NXPE2: variants seen among roughly 807,000 people sequenced by gnomAD.
NXPE2 encodes NXPE family member 2.
In NXPE2, 34 loss-of-function variants were observed where a neutral mutation model predicts 34.4. The observed-to-expected ratio is 0.99, with a 90% CI of 0.75 to 1.31. The LOEUF (loss-of-function observed/expected upper bound fraction) is 1.31. Among genes scored for constraint, NXPE2 ranks in the 40% most tolerant of loss-of-function variants. The pLI is 0.00. For synonymous variants in NXPE2, 235 were observed against 231.3 expected (o/e 1.02, Z -0.15); for missense variants, 649 against 672.5 (o/e 0.97, Z 0.39).
At chr11:114,801,688 G>A in the NXPE2 span, among the ~76,000 whole-genome samples, 2 of 149,946 alleles carry the variant, frequency 1.3e-5, no homozygotes, top group Admixed American at 1.3e-4. Flanking sequence ...AAAGGAGTAG[G>A]CAGATGGGAG....
chr11:114,608,377 A>G, the NXPE2 span, among the ~76,000 whole-genome samples: 65,077 of 151,628 alleles, frequency 0.43, 15,247 homozygotes, highest in African/African-American at 0.61. Flanking sequence ...CATGTGGATA[A>G]TAAGTGTTGC....
chr11:114,523,872 T>G, the NXPE2 span, among the ~76,000 whole-genome samples: 12 of 152,262 alleles, frequency 7.9e-5, no homozygotes, highest in Non-Finnish European at 1.3e-4. Context: ...TCTATACTGA[T>G]ACTACGTTCT....
chr11:114,734,846 C>T, the NXPE2 span, among the ~76,000 whole-genome samples: 3 of 152,092 alleles, frequency 2.0e-5, no homozygotes, highest in Admixed American at 6.6e-5. Context: ...CAGTGGCTCA[C>T]GCCTGTAATC....
chr11:114,506,372 T>C, the NXPE2 span, among the ~76,000 whole-genome samples: 1 of 152,108 alleles, frequency 6.6e-6, no homozygotes. Context: ...CAGCACTGGA[T>C]CAAATAGACC....
chr11:114,469,882 C>T, the NXPE2 span, among the ~76,000 whole-genome samples: 1 of 151,754 alleles, frequency 6.6e-6, no homozygotes, highest in African/African-American at 2.4e-5. Flanking sequence ...AACCAGTAAT[C>T]TTCTTTCTGT....
At chr11:114,632,786 TTATATAATTA>T in the NXPE2 span, among the ~76,000 whole-genome samples, 1 of 17,576 alleles carries the variant, frequency 5.7e-5, no homozygotes, top group Non-Finnish European at 9.3e-5. Context: ...ATATTATATA[TTATATAATTA>T]TATATAATTA....
chr11:114,639,640 A>G, the NXPE2 span, among the ~76,000 whole-genome samples: 1 of 144,906 alleles, frequency 6.9e-6, no homozygotes. Context: ...TATTACATAT[A>G]ATTTATTTAT....
the NXPE2 span, among the ~76,000 whole-genome samples, chr11:114,797,867 A>G: frequency 6.6e-6 from 1 of 152,182 alleles, no homozygotes; most frequent in Non-Finnish European, 1.5e-5. Context: ...CACATCCTTG[A>G]GCAGCTAGTG....
At chr11:114,706,250 T>G (rs932712878) in intron 5 of NXPE2, 145 bp from the exon 6 acceptor site, 52 of 617,832 alleles carry the variant, frequency 8.4e-5, no homozygotes, top group Non-Finnish European at 1.2e-4. Flanking sequence ...AAGATTGTAA[T>G]GCACCTGGTA....
chr11:114,773,279 A>G, the NXPE2 span, among the ~76,000 whole-genome samples: 1 of 69,362 alleles, frequency 1.4e-5, no homozygotes, highest in Non-Finnish European at 2.8e-5. Flanking sequence ...ACCCACTCCC[A>G]CCCCCCCCCC....
At chr11:114,610,192 G>A in the NXPE2 span, among the ~76,000 whole-genome samples, 5 of 151,510 alleles carry the variant, frequency 3.3e-5, no homozygotes, top group South Asian at 2.1e-4. Flanking sequence ...GTATTGCCAC[G>A]TGGGTAGCCA....
the NXPE2 span, among the ~76,000 whole-genome samples, chr11:114,733,071 G>A: frequency 2.0e-5 from 3 of 151,772 alleles, no homozygotes; most frequent in African/African-American, 7.3e-5. Context: ...TTTTTGTAAT[G>A]AATTTCCAAA....
chr11:114,637,197 G>C, the NXPE2 span, among the ~76,000 whole-genome samples: 285 of 151,994 alleles, frequency 1.9e-3, 2 homozygotes, highest in African/African-American at 5.5e-3. Flanking sequence ...TTGTTGAGTT[G>C]ATCCCTTTAC....
the NXPE2 span, among the ~76,000 whole-genome samples, chr11:114,471,048 G>T: frequency 6.6e-6 from 1 of 152,120 alleles, no homozygotes; most frequent in East Asian, 1.9e-4. Context: ...TCCTCTCTAA[G>T]ATTTGTGATT....
the NXPE2 span, among the ~76,000 whole-genome samples, chr11:114,534,559 A>T: frequency 6.6e-6 from 1 of 152,230 alleles, no homozygotes; most frequent in African/African-American, 2.4e-5. Flanking sequence ...TGAATGGATA[A>T]CTAGAATAAT....
chr11:114,751,001 T>C, the NXPE2 span, among the ~76,000 whole-genome samples: 3 of 151,934 alleles, frequency 2.0e-5, no homozygotes, highest in Non-Finnish European at 2.9e-5. Flanking sequence ...GGGTGTGGAG[T>C]GAAGGTCCTG....
At chr11:114,640,014 T>G in the NXPE2 span, among the ~76,000 whole-genome samples, 2 of 120,704 alleles carry the variant, frequency 1.7e-5, no homozygotes, top group Non-Finnish European at 3.1e-5. Flanking sequence ...AATAATATAT[T>G]ATTTTATAAT....
At chr11:114,693,451 G>GGACCGCTGCCCATGTCCCA (rs1419797574) in intron 2 of NXPE2, among the ~76,000 whole-genome samples, 8 of 152,102 alleles carry the variant, frequency 5.3e-5, no homozygotes, top group Non-Finnish European at 8.8e-5. Context: ...ATTATGGACC[G>GGACCGCTGCCCATGTCCCA]GACCGCTGCC....
the NXPE2 span, among the ~76,000 whole-genome samples, chr11:114,610,170 G>C: frequency 1.3e-5 from 2 of 151,634 alleles, no homozygotes; most frequent in Admixed American, 6.6e-5. Context: ...ACTGTTACCT[G>C]GTGGATAATA....
Sources: allele counts gnomAD v4.1 joint callset (sites outside exome capture counted in the v4.1 genomes callset), GRCh38; gene constraint gnomAD v4.1.1; transcripts MANE v1.5; gene names NCBI Gene and HGNC (gene_info 2026-07-23, HGNC 2026-07-21).